The following RPS6KA2 variants were observed in gnomAD, a reference collection of about 807,000 sequenced individuals.
RPS6KA2 encodes the protein ribosomal protein S6 kinase alpha-2.
Under a neutral mutation model 91.8 loss-of-function variants are expected in RPS6KA2, and 42 were observed. The observed-to-expected ratio is 0.46, with a 90% CI of 0.36 to 0.59. RPS6KA2 has a LOEUF of 0.59. Among genes scored for constraint, RPS6KA2 ranks in the 20% least tolerant of loss-of-function variants. The pLI, the probability that RPS6KA2 is intolerant of heterozygous loss-of-function variation, is 0.00. For synonymous variants in RPS6KA2, 414 were observed against 393.6 expected (o/e 1.05, Z -0.61); for missense variants, 798 against 978.5 (o/e 0.82, Z 2.46).
intron 1 of RPS6KA2, among the ~76,000 whole-genome samples, chr6:166,549,380 T>C (rs1430799821): frequency 2.6e-5 from 4 of 152,202 alleles, no homozygotes; most frequent in Non-Finnish European, 4.4e-5. Flanking sequence ...GCTTTATTTG[T>C]GATGCAAAAA....
intron 12 of RPS6KA2, among the ~76,000 whole-genome samples, chr6:166,456,805 A>C (rs1290707383): frequency 6.6e-6 from 1 of 152,242 alleles, no homozygotes; most frequent in Non-Finnish European, 1.5e-5. Flanking sequence ...CCTCAAAGGC[A>C]AACAGTGGTG....
intron 2 of RPS6KA2, among the ~76,000 whole-genome samples, chr6:166,676,644 C>T (rs1164587200): frequency 6.6e-6 from 1 of 152,234 alleles, no homozygotes; most frequent in Non-Finnish European, 1.5e-5. Flanking sequence ...CTGAGCCCTC[C>T]CGTGAGGCCG....
chr6:166,587,738 C>A (rs924852896), intron 1 of RPS6KA2, among the ~76,000 whole-genome samples: 1 of 151,942 alleles, frequency 6.6e-6, no homozygotes, highest in Non-Finnish European at 1.5e-5. Flanking sequence ...GAAGGGCCCA[C>A]GTCTCTGAAA....
chr6:166,548,459 G>A (rs941023952), intron 1 of RPS6KA2, among the ~76,000 whole-genome samples: 1 of 152,236 alleles, frequency 6.6e-6, no homozygotes, highest in Non-Finnish European at 1.5e-5. Flanking sequence ...CATAGCTACA[G>A]TAATCAAGAT....
chr6:166,423,388 G>A lies in RPS6KA2; in HGVS notation c.1611C>T (p.Asn537=). The A allele has an allele frequency of 6.2e-7, 1 of 1,612,710 alleles. No homozygotes were observed. The highest frequency in any genetic ancestry group is 8.5e-7 in the Non-Finnish European group (1 of 1,178,824). Residue 537 remains asparagine, a synonymous_variant, in exon 17 of 21, where the codon AAC becomes AAT. Coordinates refer to ENST00000265678, the MANE Select transcript of RPS6KA2 (RefSeq NM_021135.6). The surrounding 1 kb of genome is among the most constrained non-coding windows in gnomAD (Gnocchi z 4.8). ...GVVHRDLKPS[N]ILYRDESGSP... ...TCCCCGACTCATCCCTGTACAGGAT[G>A]TTACTCGGCTTCAGGTCTCGATGAA...
intron 1 of RPS6KA2, among the ~76,000 whole-genome samples, chr6:166,625,804 G>C (rs75433073): frequency 0.015 from 2,252 of 152,232 alleles, 38 homozygotes; most frequent in East Asian, 0.07. Flanking sequence ...CTCGGGAACC[G>C]GCCATACTGA....
chr6:166,744,699 G>T lies in RPS6KA2; in HGVS notation c.123+113501C>A, dbSNP rs79810149. ...TGCTTGAGGGCAGGCCCCAGGAGAGGAGGAGATGACACCTGGGGGCATGCA... is the reference window on the plus strand; with the variant it reads ...TGCTTGAGGGCAGGCCCCAGGAGAGTAGGAGATGACACCTGGGGGCATGCA... On this transcript the variant is annotated intron_variant, in intron 2 of 21. Transcript: ENST00000503859. Among the ~76,000 whole-genome samples the T allele has an allele frequency of 8.7e-4, 132 of 152,314 alleles. 1 individual carries two copies. Among genetic ancestry groups the T allele is most frequent in the East Asian group, 8.5e-3 (44 of 5,174 alleles).
chr6:166,555,421 C>T (rs1334172013), intron 1 of RPS6KA2, among the ~76,000 whole-genome samples: 7 of 152,156 alleles, frequency 4.6e-5, no homozygotes. Flanking sequence ...AGTTTGAAGA[C>T]CCCCACAGAG....
At chr6:166,679,907 A>G (rs1788736359) in intron 2 of RPS6KA2, among the ~76,000 whole-genome samples, 1 of 152,256 alleles carries the variant, frequency 6.6e-6, no homozygotes, top group South Asian at 2.1e-4. Context: ...TCTGGGCTGC[A>G]GGAGTACCTG....
chr6:166,475,815 C>G (rs775992022), intron 10 of RPS6KA2: 2 of 531,058 alleles, frequency 3.8e-6, no homozygotes, highest in South Asian at 1.4e-5. Context: ...GCAACTCACA[C>G]GGGGGCAGAG....
chr6:166,861,697 C>G (rs1397872289), intron 1 of RPS6KA2, among the ~76,000 whole-genome samples: 1 of 152,040 alleles, frequency 6.6e-6, no homozygotes, highest in Non-Finnish European at 1.5e-5. Context: ...TTGATTTTTG[C>G]CTTCTGGTTT....
At chr6:166,552,199 C>T (rs1562574815) in intron 1 of RPS6KA2, among the ~76,000 whole-genome samples, 1 of 152,238 alleles carries the variant, frequency 6.6e-6, no homozygotes, top group African/African-American at 2.4e-5. Flanking sequence ...TTTCACAGGT[C>T]TTTGACCCCC....
intron 2 of RPS6KA2, among the ~76,000 whole-genome samples, chr6:166,782,584 G>C (rs1778798308): frequency 6.6e-6 from 1 of 152,138 alleles, no homozygotes; most frequent in South Asian, 2.1e-4. Context: ...TCGATCCCGA[G>C]GCCCGGATTG....
chr6:166,719,504 C>T (rs528350221), intron 2 of RPS6KA2, among the ~76,000 whole-genome samples: 17 of 152,332 alleles, frequency 1.1e-4, no homozygotes, highest in Middle Eastern at 3.4e-3. Context: ...GCAATCTCTC[C>T]TTCTCTGCCA....
intron 1 of RPS6KA2, among the ~76,000 whole-genome samples, chr6:166,613,534 T>C (rs1786274424): frequency 6.6e-6 from 1 of 152,202 alleles, no homozygotes; most frequent in Non-Finnish European, 1.5e-5. Flanking sequence ...TAGCTCAGGC[T>C]GAAGATCTAG....
rs1327532545 is a variant in RPS6KA2 at position 166,480,505 on chromosome 6, AT to A, written c.907+8327del. Among the ~76,000 whole-genome samples, 865 of 95,556 alleles carry A rather than the reference AT, an allele frequency of 9.1e-3. 47 individuals carry two copies. The highest frequency in any genetic ancestry group is 0.03 in the African/African-American group (825 of 27,674). 62.7% of individuals were successfully genotyped at this position (95,556 alleles called of 152,430 possible). The stretch of plus-strand genomic sequence containing the variant: ...TATATATATATATATATATATATAT[AT>A]ATATATATAATATATTTTTTTTTTT... On this transcript the variant is annotated intron_variant, in intron 10 of 20. Transcript: ENST00000265678.
At chr6:166,724,185 G>A (rs1224400988) in intron 2 of RPS6KA2, among the ~76,000 whole-genome samples, 2 of 152,152 alleles carry the variant, frequency 1.3e-5, no homozygotes, top group African/African-American at 4.8e-5. Flanking sequence ...ATGTGTGTGT[G>A]TATATAAATA....
intron 1 of RPS6KA2, among the ~76,000 whole-genome samples, chr6:166,610,612 G>A (rs947787768): frequency 2.0e-5 from 3 of 152,262 alleles, no homozygotes; most frequent in Non-Finnish European, 2.9e-5. Flanking sequence ...TACCTTCTCC[G>A]TTGTTTCCTA....
chr6:166,538,317 T>G lies in RPS6KA2; in HGVS notation c.216+351A>C, dbSNP rs182625056. Among the ~76,000 whole-genome samples, 375 of 152,354 alleles carry G rather than the reference T, an allele frequency of 2.5e-3. 1 individual carries two copies. Among genetic ancestry groups the G allele is most frequent in the Non-Finnish European group, 4.3e-3 (292 of 68,026 alleles). On this transcript the variant is annotated intron_variant, in intron 2 of 20. Coordinates refer to ENST00000265678, the MANE Select transcript of RPS6KA2 (RefSeq NM_021135.6). ...TTTTCCTTGTTCTCTTATTTTTTTC[T>G]TTCTTTGGGGAAAACAGCTGCTAGA... is the stretch of plus-strand genomic sequence containing the variant.
Sources: gnomAD v4.1 joint callset for allele counts (sites outside exome capture counted in the v4.1 genomes callset) on GRCh38, gnomAD v4.1.1 for gene constraint, Gnocchi (gnomAD v3.1) non-coding constraint, MANE v1.5 for transcripts, NCBI Gene and HGNC (gene_info 2026-07-23, HGNC 2026-07-21) for gene names.